Variants in PEBP4 observed in about 807,000 individuals in gnomAD.
PEBP4 encodes phosphatidylethanolamine-binding protein 4.
PEBP4 carries 22 observed loss-of-function variants against 23.9 expected under a neutral mutation model. The ratio of observed to expected loss-of-function variants is 0.92; its 90% CI spans 0.66 to 1.31. The LOEUF is 1.31. Among genes scored for constraint, PEBP4 ranks in the 40% most tolerant of loss-of-function variants. PEBP4 has a pLI of 0.00. For missense variants in PEBP4, 324 were observed against 281.7 expected, an observed-to-expected ratio of 1.15 and a Z score of -1.07; for synonymous variants, 112 against 99.3, an observed-to-expected ratio of 1.13 and a Z score of -0.76.
chr8:22,783,959 C>T (rs11996723), intron 4 of PEBP4, among the ~76,000 whole-genome samples: 12,887 of 152,150 alleles, frequency 0.085, 614 homozygotes, highest in African/African-American at 0.11. Flanking sequence ...CACTTCCTGC[C>T]CACCAGGAGG....
chr8:22,815,524 A>T (rs1005941217), intron 4 of PEBP4, among the ~76,000 whole-genome samples: 1 of 152,136 alleles, frequency 6.6e-6, no homozygotes. Context: ...TTTGGTTGAC[A>T]CCGTCTCTGT....
intron 1 of PEBP4, among the ~76,000 whole-genome samples, chr8:22,934,344 T>A (rs888625296): frequency 6.6e-5 from 10 of 152,218 alleles, no homozygotes; most frequent in Non-Finnish European, 4.4e-5. Flanking sequence ...AATGTTTGTA[T>A]GCAATTGAAG....
chr8:22,716,695 G>A (rs954456901), intron 6 of PEBP4, among the ~76,000 whole-genome samples: 1 of 152,204 alleles, frequency 6.6e-6, no homozygotes, highest in African/African-American at 2.4e-5. Flanking sequence ...GGCCAGTTAG[G>A]GCTAAGCAGG....
intron 4 of PEBP4, among the ~76,000 whole-genome samples, chr8:22,804,251 G>C (rs1215297080): frequency 6.6e-6 from 1 of 152,110 alleles, no homozygotes; most frequent in East Asian, 1.9e-4. Context: ...GGATGACTTG[G>C]GCCCAGGAGT....
At chr8:22,843,570 C>A (rs537924246) in intron 3 of PEBP4, among the ~76,000 whole-genome samples, 7 of 152,184 alleles carry the variant, frequency 4.6e-5, no homozygotes, top group Non-Finnish European at 8.8e-5. Context: ...TGCTCAACCA[C>A]CTGCTGCATG....
chr8:22,921,286 G>C (rs553046472), intron 2 of PEBP4, among the ~76,000 whole-genome samples: 2 of 152,330 alleles, frequency 1.3e-5, no homozygotes, highest in South Asian at 4.1e-4. Flanking sequence ...GTAGAGAGTG[G>C]GTGTTGCAGG....
chr8:22,749,805 CT>C lies in PEBP4; in HGVS notation c.358-22586del, dbSNP rs71206545. ...CTCTCCTGATTCTCAGTTTGTCATTCTTTTTTTTTTTTTTTTTTGAGATGGA... is the reference window on the plus strand; with the variant it reads ...CTCTCCTGATTCTCAGTTTGTCATTCTTTTTTTTTTTTTTTTTGAGATGGA... On this transcript the variant is annotated intron_variant, in intron 4 of 6. Transcript: ENST00000256404. Among the ~76,000 whole-genome samples, 462 of 83,762 alleles carry C rather than the reference CT, an allele frequency of 5.5e-3. 35 individuals carry two copies. The highest frequency in any genetic ancestry group is 8.7e-3 in the Non-Finnish European group (359 of 41,254). 55.0% of individuals were successfully genotyped at this position (83,762 alleles called of 152,430 possible). A position where few individuals can be genotyped will look rare whatever the true frequency, so the allele number is the denominator to read the frequency against.
chr8:22,803,571 G>A (rs537200773), intron 4 of PEBP4, among the ~76,000 whole-genome samples: 3 of 152,244 alleles, frequency 2.0e-5, no homozygotes, highest in East Asian at 3.9e-4. Context: ...AGCTGAGGCC[G>A]GAGAATGGCT....
At chr8:22,868,996 C>T (rs1339962865) in intron 3 of PEBP4, among the ~76,000 whole-genome samples, 1 of 152,162 alleles carries the variant, frequency 6.6e-6, no homozygotes, top group Non-Finnish European at 1.5e-5. Flanking sequence ...CTGCAGATAC[C>T]ACCCCAAAAT....
chr8:22,927,965 C>A, upstream of PEBP4: 2 of 463,358 alleles, frequency 4.3e-6, no homozygotes, highest in South Asian at 2.6e-5. Flanking sequence ...AGGCCCCTCC[C>A]CTGGCAGGAC....
intron 3 of PEBP4, among the ~76,000 whole-genome samples, chr8:22,867,868 G>A (rs1807936857): frequency 6.6e-6 from 1 of 152,200 alleles, no homozygotes; most frequent in Non-Finnish European, 1.5e-5. Flanking sequence ...GACCACATCT[G>A]GCATGTTAAC....
At chr8:22,753,225 A>G (rs911796670) in intron 4 of PEBP4, among the ~76,000 whole-genome samples, 9 of 152,220 alleles carry the variant, frequency 5.9e-5, no homozygotes, top group African/African-American at 2.2e-4. Context: ...GGAACCACAC[A>G]GCTGCCTGCA....
intron 4 of PEBP4, among the ~76,000 whole-genome samples, chr8:22,730,824 A>G (rs1199697875): frequency 2.0e-5 from 3 of 152,180 alleles, no homozygotes; most frequent in Non-Finnish European, 4.4e-5. Flanking sequence ...ACCGTTTAGA[A>G]TTTAGTCTCT....
intron 3 of PEBP4, among the ~76,000 whole-genome samples, chr8:22,900,902 G>C (rs1808697865): frequency 6.6e-6 from 1 of 152,074 alleles, no homozygotes; most frequent in South Asian, 2.1e-4. Flanking sequence ...ACATAATTCT[G>C]ACATAGTCAG....
At chr8:22,743,957 G>C (rs1207476909) in intron 4 of PEBP4, among the ~76,000 whole-genome samples, 2 of 152,232 alleles carry the variant, frequency 1.3e-5, no homozygotes, top group Non-Finnish European at 1.5e-5. Context: ...GCCTGACCCT[G>C]TTTGGCTTCT....
rs1805799970 is a variant in PEBP4, at chr8:22,775,651, G to A, written c.357+41986C>T. Among the ~76,000 whole-genome samples, 1 of 152,146 alleles carries A rather than the reference G, an allele frequency of 6.6e-6. No homozygotes were observed. Among genetic ancestry groups the A allele is most frequent in the Non-Finnish European group, 1.5e-5 (1 of 68,012 alleles). ...GGGTTTGCTGGGAAGGAGGGGGACG[G>A]AGGCAGCGTCTCTGCGGCATACCAG... On this transcript the variant is annotated intron_variant, in intron 4 of 6. Transcript: ENST00000256404. This position sits in a 1 kb window ranked among gnomAD's most constrained non-coding sequence, Gnocchi z 4.8.
intron 1 of PEBP4, among the ~76,000 whole-genome samples, chr8:22,939,586 G>T (rs6999355): frequency 0.11 from 16,726 of 151,804 alleles, 1,202 homozygotes; most frequent in Non-Finnish European, 0.16. Flanking sequence ...AATGAGGAAT[G>T]CTCTGTTACA....
chr8:22,727,005 G>A (rs935371399), intron 5 of PEBP4, among the ~76,000 whole-genome samples, 170 bp downstream of exon 5: 8 of 152,204 alleles, frequency 5.3e-5, no homozygotes, highest in African/African-American at 1.7e-4. Context: ...TTAAAATGGG[G>A]ACACTGATGG....
intron 4 of PEBP4, among the ~76,000 whole-genome samples, chr8:22,770,300 T>C (rs1805691897): frequency 6.6e-6 from 1 of 152,222 alleles, no homozygotes; most frequent in Non-Finnish European, 1.5e-5. Flanking sequence ...CTCTCTGCCA[T>C]ATGGTTGCCA....
Sources: allele counts gnomAD v4.1 joint callset (sites outside exome capture counted in the v4.1 genomes callset), GRCh38; gene constraint gnomAD v4.1.1; non-coding constraint Gnocchi (gnomAD v3.1); transcripts MANE v1.5; gene names NCBI Gene and HGNC (gene_info 2026-07-23, HGNC 2026-07-21).